The following GRIK1 variants were observed in gnomAD, a reference collection of about 807,000 sequenced individuals.
GRIK1 encodes the protein glutamate receptor ionotropic, kainate 1.
A neutral mutation model predicts 105.7 loss-of-function variants in GRIK1; 69 were observed. The ratio of observed to expected loss-of-function variants is 0.65; its 90% confidence interval spans 0.54 to 0.80. The LOEUF (loss-of-function observed/expected upper bound fraction) is 0.80, where lower values mean the gene tolerates loss of function less well. Ranked by LOEUF, GRIK1 falls within the 30% of genes least tolerant of loss-of-function variation. The probability of loss-of-function intolerance (pLI) is 0.00; values close to 1 mark genes in which losing one functional copy is unlikely to be tolerated. For synonymous variants in GRIK1, 438 were observed against 431.3 expected (o/e 1.02, Z -0.19); for missense variants, 1,109 against 1,167.3 (o/e 0.95, Z 0.73).
intron 1 of GRIK1, among the ~76,000 whole-genome samples, chr21:29,795,027 A>ATTTT (rs1569102231): frequency 0.039 from 3,165 of 81,898 alleles, 322 homozygotes; most frequent in Non-Finnish European, 0.053. Context: ...CTTTGCTCTA[A>ATTTT]ATTTTTTTTT....
At chr21:29,782,998 A>T (rs1485171957) in intron 1 of GRIK1, among the ~76,000 whole-genome samples, 1 of 152,200 alleles carries the variant, frequency 6.6e-6, no homozygotes, top group African/African-American at 2.4e-5. Context: ...CTTGATGTGC[A>T]GTGTCATTTC....
chr21:29,682,267 G>A (rs574085276), intron 3 of GRIK1, among the ~76,000 whole-genome samples: 2 of 152,082 alleles, frequency 1.3e-5, no homozygotes, highest in Non-Finnish European at 2.9e-5. Context: ...TAACTTCTAT[G>A]TCCTTATGTT....
At chr21:29,645,530 T>G (rs1259726551) in intron 6 of GRIK1, among the ~76,000 whole-genome samples, 1 of 152,146 alleles carries the variant, frequency 6.6e-6, no homozygotes, top group East Asian at 1.9e-4. Context: ...GATTCAAAAT[T>G]ATAGGTCTAA....
intron 1 of GRIK1, among the ~76,000 whole-genome samples, chr21:29,755,115 T>G (rs1171285480): frequency 2.6e-5 from 4 of 152,266 alleles, no homozygotes; most frequent in African/African-American, 9.6e-5. Context: ...TCTATATTTC[T>G]ATCAGATTGT....
At chr21:29,812,594 G>T (rs1036877701) in intron 1 of GRIK1, among the ~76,000 whole-genome samples, 1 of 152,110 alleles carries the variant, frequency 6.6e-6, no homozygotes, top group African/African-American at 2.4e-5. Flanking sequence ...TTCCAAACTT[G>T]TGTTCTATTC....
At chr21:29,841,070 T>C (rs1460950017) in intron 1 of GRIK1, among the ~76,000 whole-genome samples, 2 of 152,136 alleles carry the variant, frequency 1.3e-5, no homozygotes, top group African/African-American at 4.8e-5. Flanking sequence ...ATTTTAAAAA[T>C]TTACTTATAC....
intron 7 of GRIK1, chr21:29,601,176 G>A (rs2061511154): frequency 4.0e-6 from 2 of 496,170 alleles, no homozygotes; most frequent in Admixed American, 2.0e-5. Flanking sequence ...TGTAGAGCCT[G>A]AAAAGAACAA....
At chr21:29,570,829 G>A (rs535748558) in intron 14 of GRIK1, among the ~76,000 whole-genome samples, 4 of 130,062 alleles carry the variant, frequency 3.1e-5, no homozygotes, top group South Asian at 2.7e-4. Context: ...CTGAGTGATC[G>A]AAACTTAGAG....
At chr21:29,923,498 G>A (rs756891849) in intron 1 of GRIK1, among the ~76,000 whole-genome samples, 1 of 152,158 alleles carries the variant, frequency 6.6e-6, no homozygotes, top group Non-Finnish European at 1.5e-5. Flanking sequence ...AGAAGTGTGA[G>A]TTTGGAAATG....
At chr21:29,762,069 ATAAAG>A (rs1483065366) in intron 1 of GRIK1, among the ~76,000 whole-genome samples, 1 of 152,350 alleles carries the variant, frequency 6.6e-6, no homozygotes, top group Admixed American at 6.5e-5. Context: ...ATCGCACAAA[ATAAAG>A]TAAAGCTGTG....
chr21:29,567,841 G>T (rs1373527537), intron 14 of GRIK1, among the ~76,000 whole-genome samples: 1 of 152,098 alleles, frequency 6.6e-6, no homozygotes, highest in Admixed American at 6.6e-5. Flanking sequence ...TTGAAAATAT[G>T]ATTTAATTTA....
At chr21:29,616,315 T>TA (rs1274624371) in intron 7 of GRIK1, among the ~76,000 whole-genome samples, 4 of 152,010 alleles carry the variant, frequency 2.6e-5, no homozygotes, top group African/African-American at 7.2e-5. Context: ...CGTTTAGATT[T>TA]AAAAAAAATA....
At chr21:29,703,658 A>G (rs540167865) in intron 1 of GRIK1, among the ~76,000 whole-genome samples, 2 of 152,166 alleles carry the variant, frequency 1.3e-5, no homozygotes, top group African/African-American at 4.8e-5. Flanking sequence ...ATGGATTTGG[A>G]TGGGAAGCAG....
intron 1 of GRIK1, among the ~76,000 whole-genome samples, chr21:29,840,682 G>A (rs999979091): frequency 1.3e-5 from 2 of 152,092 alleles, no homozygotes; most frequent in African/African-American, 2.4e-5. Context: ...TTCAATAATT[G>A]TTTTGGCTCA....
At chr21:29,761,713 CTCTT>C (rs933555819) in intron 1 of GRIK1, among the ~76,000 whole-genome samples, 3 of 149,570 alleles carry the variant, frequency 2.0e-5, no homozygotes, top group South Asian at 4.2e-4. Context: ...TTTTCTTTCT[CTCTT>C]TCTTTCCTTC....
rs1402307408 is a variant in GRIK1 at position 29,549,739 on chromosome 21, G to A, written c.2607+5313C>T. On this transcript the variant is annotated intron_variant, in intron 16 of 17. Coordinates refer to ENST00000327783, the MANE Select transcript of GRIK1 (RefSeq NM_001330994.2). ...TTCGCTTGAAATGCAGTGGTTCCTG[G>A]TCGGGTCACTGTGGTCTTAGCATCC... Among the ~76,000 whole-genome samples, 3 of 152,046 alleles carry A rather than the reference G, an allele frequency of 2.0e-5. No individual in the cohort carries two copies. The South Asian group carries it at 6.2e-4, about 32-fold the overall frequency.
chr21:29,823,073 CAAT>C (rs2067349481), intron 1 of GRIK1, among the ~76,000 whole-genome samples: 1 of 151,726 alleles, frequency 6.6e-6, no homozygotes, highest in Non-Finnish European at 1.5e-5. Flanking sequence ...GTTTCCTTGC[CAAT>C]AAGATAGGGT....
chr21:29,797,428 T>A (rs1048087164), intron 1 of GRIK1, among the ~76,000 whole-genome samples: 2 of 152,192 alleles, frequency 1.3e-5, no homozygotes, highest in African/African-American at 4.8e-5. Flanking sequence ...CTGTTTCTAG[T>A]TGATTATACT....
chr21:29,594,501 GGT>G (rs141578333), intron 9 of GRIK1, among the ~76,000 whole-genome samples: 4,289 of 152,236 alleles, frequency 0.028, 161 homozygotes, highest in African/African-American at 0.087. Flanking sequence ...AGTAGTGGAG[GGT>G]GGATCAGTTA....
Sources: gnomAD v4.1 joint callset for allele counts (sites outside exome capture counted in the v4.1 genomes callset) on GRCh38, gnomAD v4.1.1 for gene constraint, MANE v1.5 for transcripts, NCBI Gene and HGNC (gene_info 2026-07-23, HGNC 2026-07-21) for gene names.